ASAP1: variants seen among roughly 807,000 people sequenced by gnomAD.
ASAP1 encodes ArfGAP with SH3 domain, ankyrin repeat and PH domain 1, also known as arf-GAP with SH3 domain, ANK repeat and PH domain-containing protein 1.
A neutral mutation model predicts 145.2 loss-of-function variants in ASAP1; 43 were observed. The observed-to-expected ratio is 0.30, with a 90% CI of 0.23 to 0.38. The LOEUF is 0.38. Among genes scored for constraint, ASAP1 ranks in the 10% least tolerant of loss-of-function variants. The pLI is 1.00. For synonymous variants in ASAP1, 546 were observed against 515.5 expected (o/e 1.06, Z -0.80); for missense variants, 1,018 against 1,355.3 (o/e 0.75, Z 3.91).
chr8:130,292,103 C>T (rs551132172), intron 3 of ASAP1, among the ~76,000 whole-genome samples: 2 of 152,206 alleles, frequency 1.3e-5, no homozygotes, highest in East Asian at 3.9e-4. Context: ...GCTTCCTGCC[C>T]CTACTACCCT....
intron 3 of ASAP1, among the ~76,000 whole-genome samples, chr8:130,329,731 C>T (rs1824561466): frequency 6.6e-6 from 1 of 152,180 alleles, no homozygotes; most frequent in South Asian, 2.1e-4. Flanking sequence ...GAAAATCACA[C>T]AGATGCATTA....
intron 5 of ASAP1, among the ~76,000 whole-genome samples, chr8:130,208,997 T>C (rs1816407900): frequency 6.6e-6 from 1 of 152,184 alleles, no homozygotes; most frequent in Non-Finnish European, 1.5e-5. Flanking sequence ...TTATCTTTGA[T>C]TAGGGGGAAT....
rs753701834 is a variant in ASAP1 at position 130,112,255 on chromosome 8, G to A, written c.2240C>T (p.Pro747Leu). The change falls in exon 24 of 30, where the codon CCC becomes CTC. Residue 747 changes from proline (P) to leucine (L), a missense_variant. Around this residue, in one of 9 missense-constraint regions of ASAP1, gnomAD observed 353 missense variants for 375.4 expected, o/e 0.94. Coordinates refer to ENST00000518721, the MANE Select transcript of ASAP1 (RefSeq NM_018482.4). The stretch of plus-strand genomic sequence containing the variant: ...TCCTGGCAGTGCCAGCTTGTCCTGG[G>A]GGGAGATGCTGGAGGAGTGGCAGAA... ...QSFCHSSSIS[P>L]QDKLALPGFS... The A allele has an allele frequency of 3.1e-6, 5 of 1,614,214 alleles. No homozygotes were observed. Among genetic ancestry groups the A allele is most frequent in the East Asian group, 2.2e-5 (1 of 44,894 alleles).
chr8:130,127,461 C>T (rs948783071), intron 16 of ASAP1, among the ~76,000 whole-genome samples: 3 of 152,168 alleles, frequency 2.0e-5, no homozygotes, highest in Non-Finnish European at 4.4e-5. Context: ...AAGTGATCCG[C>T]CCGCCTCAGC....
At chr8:130,123,498 G>A (rs1359036021) in intron 18 of ASAP1, among the ~76,000 whole-genome samples, 1 of 152,216 alleles carries the variant, frequency 6.6e-6, no homozygotes, top group East Asian at 1.9e-4. Context: ...AGGGGAAGGT[G>A]AGGGTGAAAA....
intron 14 of ASAP1, among the ~76,000 whole-genome samples, chr8:130,136,704 A>G (rs1414245760): frequency 6.6e-6 from 1 of 152,172 alleles, no homozygotes; most frequent in African/African-American, 2.4e-5. Flanking sequence ...GGTTTAGTTC[A>G]ATGTACAAAT....
At chr8:130,127,437 G>C (rs1003027829) in intron 16 of ASAP1, among the ~76,000 whole-genome samples, 1 of 152,096 alleles carries the variant, frequency 6.6e-6, no homozygotes, top group African/African-American at 2.4e-5. Flanking sequence ...GGCTGGTCTC[G>C]AACTCCTGAC....
chr8:130,394,796 T>C (rs1828450050), intron 2 of ASAP1, among the ~76,000 whole-genome samples: 1 of 152,186 alleles, frequency 6.6e-6, no homozygotes, highest in Admixed American at 6.5e-5. Flanking sequence ...TACGTGACTA[T>C]CAGGGGCAGG....
intron 5 of ASAP1, among the ~76,000 whole-genome samples, chr8:130,196,709 T>C (rs1195648667): frequency 1.3e-5 from 2 of 152,218 alleles, no homozygotes; most frequent in African/African-American, 4.8e-5. Context: ...TCTCTCTCCA[T>C]AACTGAAACA....
intron 3 of ASAP1, among the ~76,000 whole-genome samples, chr8:130,239,820 G>C (rs1818420466): frequency 1.3e-5 from 2 of 152,056 alleles, no homozygotes; most frequent in Non-Finnish European, 2.9e-5. Context: ...TTGGGCCTTA[G>C]AGAAATTAGT....
At chr8:130,306,052 A>G (rs1318667875) in intron 3 of ASAP1, among the ~76,000 whole-genome samples, 1 of 152,204 alleles carries the variant, frequency 6.6e-6, no homozygotes, top group Non-Finnish European at 1.5e-5. Flanking sequence ...TGGGATCATA[A>G]AGTCCTCAGT....
At chr8:130,344,186 A>G (rs1224514384) in intron 3 of ASAP1, among the ~76,000 whole-genome samples, 1 of 152,252 alleles carries the variant, frequency 6.6e-6, no homozygotes, top group African/African-American at 2.4e-5. Context: ...AATGAAAAAA[A>G]GAGGGAGGAA....
chr8:130,316,502 C>T (rs556068415), intron 3 of ASAP1, among the ~76,000 whole-genome samples: 16 of 152,332 alleles, frequency 1.1e-4, no homozygotes, highest in African/African-American at 3.6e-4. Context: ...TTTCCATTTC[C>T]TAGCCTCTCT....
At chr8:130,162,890 G>C (rs906582716) in intron 11 of ASAP1, 2 of 152,018 alleles carry the variant, frequency 1.3e-5, no homozygotes, top group African/African-American at 4.8e-5. Context: ...CTCTTCCTTG[G>C]AACCCTTGTT....
chr8:130,064,893 A>ATGTGTGTGTGTGTGTGTGTGTGTG (rs34905534), intron 27 of ASAP1, among the ~76,000 whole-genome samples: 1 of 142,564 alleles, frequency 7.0e-6, no homozygotes, highest in Non-Finnish European at 1.5e-5. Context: ...TTTACTAAGA[A>ATGTGTGTGTGTGTGTGTGTGTGTG]TGTGTGTGTG....
rs771260458 is a variant in ASAP1, at chr8:130,116,890, A to G, written c.1986T>C (p.Thr662=). 2 of 1,613,482 alleles carry G rather than the reference A, an allele frequency of 1.2e-6. No homozygotes were observed. The highest frequency in any genetic ancestry group is 2.2e-5 in the South Asian group (2 of 91,034). The part of the protein sequence containing the change: ...CLKLLLRSKP[T]VDIVNQAGET... ...TAGACACACTCTTACCTATATCCAC[A>G]GTGGGCTTGCTCCTGAGCAAAAGCT... Residue 662 remains threonine, a synonymous_variant, in exon 21 of 30, where the codon ACT becomes ACC. Coordinates refer to ENST00000518721, the MANE Select transcript of ASAP1 (RefSeq NM_018482.4).
At chr8:130,312,883 GGA>G (rs1245719172) in intron 3 of ASAP1, among the ~76,000 whole-genome samples, 4 of 152,140 alleles carry the variant, frequency 2.6e-5, no homozygotes, top group Non-Finnish European at 5.9e-5. Context: ...ACAAGATGAG[GGA>G]ATAAGCACGT....
Position 130,148,408 on chromosome 8 carries a change from C to T in ASAP1, c.1080+4328G>A, listed in dbSNP as rs146662581. ...TACACGTCAGGCAATGTGTTAGGTA[C>T]TGAAAATTCAAAGATGAGTAAGATG... is the stretch of plus-strand genomic sequence containing the variant. On this transcript the variant is annotated intron_variant, in intron 13 of 29. Transcript: ENST00000518721. Among the ~76,000 whole-genome samples, 542 of 152,302 alleles carry T rather than the reference C, an allele frequency of 3.6e-3. 3 individuals are homozygous for T. The highest frequency in any genetic ancestry group is 0.013 in the African/African-American group (526 of 41,560).
At chr8:130,408,568 A>G (rs1829132795) in intron 1 of ASAP1, among the ~76,000 whole-genome samples, 1 of 152,176 alleles carries the variant, frequency 6.6e-6, no homozygotes, top group African/African-American at 2.4e-5. Context: ...CAGCTTCCAG[A>G]TGGCAGATCA....
Sources: allele counts gnomAD v4.1 joint callset (sites outside exome capture counted in the v4.1 genomes callset), GRCh38; gene constraint gnomAD v4.1.1; regional missense constraint gnomAD v4.1.1; transcripts MANE v1.5; gene names NCBI Gene and HGNC (gene_info 2026-07-23, HGNC 2026-07-21).